PTPRG: variants seen among roughly 807,000 people sequenced by gnomAD.
The protein encoded by PTPRG is protein tyrosine phosphatase receptor type G.
A neutral mutation model predicts 165.3 loss-of-function variants in PTPRG; 102 were observed. That is an observed-to-expected ratio of 0.62 (90% confidence interval 0.53 to 0.73). PTPRG has a LOEUF of 0.73. Among genes scored for constraint, PTPRG ranks in the 30% least tolerant of loss-of-function variants. The probability of loss-of-function intolerance (pLI) is 0.00; values close to 1 mark genes in which losing one functional copy is unlikely to be tolerated. For synonymous variants in PTPRG, 675 were observed against 669.5 expected (o/e 1.01, Z -0.13); for missense variants, 1,866 against 1,861.4 (o/e 1.00, Z -0.05).
At chr3:61,776,475 T>A (rs1333750616) in intron 2 of PTPRG, among the ~76,000 whole-genome samples, 1 of 152,202 alleles carries the variant, frequency 6.6e-6, no homozygotes, top group Non-Finnish European at 1.5e-5. Context: ...AAGAACCCGT[T>A]TGTGTCTGTT....
At chr3:62,160,082 A>G (rs911455700) in intron 7 of PTPRG, among the ~76,000 whole-genome samples, 6 of 152,216 alleles carry the variant, frequency 3.9e-5, no homozygotes, top group African/African-American at 1.2e-4. Context: ...AAACATTCCT[A>G]GTCTCTCGTT....
chr3:61,718,356 G>A (rs1256674310), intron 1 of PTPRG, among the ~76,000 whole-genome samples: 1 of 152,110 alleles, frequency 6.6e-6, no homozygotes, highest in South Asian at 2.1e-4. Flanking sequence ...TTAACAAGCT[G>A]TGATGGTCCA....
chr3:61,936,367 A>T (rs1462090170), intron 2 of PTPRG, among the ~76,000 whole-genome samples: 1 of 152,194 alleles, frequency 6.6e-6, no homozygotes, highest in Non-Finnish European at 1.5e-5. Flanking sequence ...GTACCAGGTG[A>T]CTTGAATCCA....
chr3:61,638,109 A>C (rs1701964683), intron 1 of PTPRG, among the ~76,000 whole-genome samples: 1 of 152,200 alleles, frequency 6.6e-6, no homozygotes, highest in East Asian at 1.9e-4. Flanking sequence ...TGTTTTCCAA[A>C]TCGTGGTACA....
At chr3:61,811,044 T>A (rs1477030419) in intron 2 of PTPRG, among the ~76,000 whole-genome samples, 4 of 152,198 alleles carry the variant, frequency 2.6e-5, no homozygotes, top group Admixed American at 6.5e-5. Context: ...TGTTCGAATG[T>A]GACACTTTCT....
At chr3:61,711,996 C>T (rs566526519) in intron 1 of PTPRG, among the ~76,000 whole-genome samples, 52 of 148,860 alleles carry the variant, frequency 3.5e-4, no homozygotes, top group African/African-American at 4.9e-5. Flanking sequence ...TGGGTTCAAA[C>T]GATTCTCCTG....
intron 1 of PTPRG, among the ~76,000 whole-genome samples, chr3:61,694,866 C>G (rs186214081): frequency 8.5e-5 from 13 of 152,304 alleles, no homozygotes; most frequent in African/African-American, 2.9e-4. Context: ...CTCATTCTCT[C>G]TCTCTCACTC....
intron 2 of PTPRG, among the ~76,000 whole-genome samples, chr3:61,821,807 T>G (rs78974510): frequency 0.086 from 13,073 of 152,270 alleles, 1,275 homozygotes; most frequent in African/African-American, 0.24. Context: ...CTAAGCGCTT[T>G]ACTAGTATTA....
At chr3:62,102,867 T>TTTCTCA (rs68173028) in intron 5 of PTPRG, among the ~76,000 whole-genome samples, 6,793 of 152,222 alleles carry the variant, frequency 0.045, 494 homozygotes, top group African/African-American at 0.16. Flanking sequence ...CTACCAGTAA[T>TTTCTCA]TTCTCATGCC....
intron 2 of PTPRG, among the ~76,000 whole-genome samples, chr3:61,925,659 C>A (rs78557401): frequency 2.8e-3 from 432 of 152,134 alleles, no homozygotes; most frequent in African/African-American, 9.8e-3. Context: ...AGGAGAATTT[C>A]ATGAACCTGG....
rs920973628 is a variant in PTPRG, at chr3:62,217,294, C to T, written c.2156-1557C>T. The stretch of plus-strand genomic sequence containing the variant: ...GCACCTACTTGACTCTGTCTTCTTA[C>T]CTGTGAGCAGGGGATACATCAGGTC... On this transcript the variant is annotated intron_variant, in intron 12 of 29. Coordinates refer to ENST00000474889, the MANE Select transcript of PTPRG (RefSeq NM_002841.4). This position sits in a 1 kb window ranked among gnomAD's most constrained non-coding sequence, Gnocchi z 4.3. 2.0e-5 allele frequency among the ~76,000 whole-genome samples: 3 copies of T among 152,208 alleles called. No homozygotes were observed. Among genetic ancestry groups the T allele is most frequent in the African/African-American group, 4.8e-5 (2 of 41,454 alleles).
At chr3:61,746,234 T>TC (rs2033200494) in intron 1 of PTPRG, among the ~76,000 whole-genome samples, 2 of 83,202 alleles carry the variant, frequency 2.4e-5, no homozygotes, top group African/African-American at 8.5e-5. Flanking sequence ...TTTTTTTTTT[T>TC]TTGAGACAGA....
chr3:61,731,039 T>G (rs1363376337), intron 1 of PTPRG, among the ~76,000 whole-genome samples: 1 of 152,246 alleles, frequency 6.6e-6, no homozygotes, highest in Non-Finnish European at 1.5e-5. Context: ...CTACTCTTTC[T>G]GCATTATTCA....
At chr3:61,820,137 T>C (rs2035908701) in intron 2 of PTPRG, among the ~76,000 whole-genome samples, 1 of 152,090 alleles carries the variant, frequency 6.6e-6, no homozygotes, top group African/African-American at 2.4e-5. Context: ...AAAAAGGAGA[T>C]ATATTTTTAA....
At chr3:62,137,523 C>T (rs1019488028) in intron 6 of PTPRG, among the ~76,000 whole-genome samples, 3 of 152,094 alleles carry the variant, frequency 2.0e-5, no homozygotes, top group African/African-American at 2.4e-5. Flanking sequence ...CCCTTTCTGT[C>T]GACCAGTGCT....
At chr3:61,757,879 T>A (rs1219232190) in intron 2 of PTPRG, among the ~76,000 whole-genome samples, 2 of 152,158 alleles carry the variant, frequency 1.3e-5, no homozygotes, top group Non-Finnish European at 2.9e-5. Flanking sequence ...TGGAAGGACA[T>A]GATTAATTTA....
chr3:62,114,800 C>T (rs1702800597), intron 5 of PTPRG, among the ~76,000 whole-genome samples: 1 of 152,012 alleles, frequency 6.6e-6, no homozygotes, highest in South Asian at 2.1e-4. Flanking sequence ...TGCCACCTTG[C>T]CCTACTAATT....
rs192743559 is a variant in PTPRG, at chr3:62,203,456, C to G, written c.1661C>G (p.Ala554Gly). ...ASKQAARPVL[A>G]TTEALASPGP... ...AAGCAGGCGGCTAGGCCAGTCCTAGCCACCACAGAGGCCTTGGCTTCTCCA... is the reference window on the plus strand; with the variant it reads ...AAGCAGGCGGCTAGGCCAGTCCTAGGCACCACAGAGGCCTTGGCTTCTCCA... Residue 554 changes from alanine (A) to glycine (G), a missense_variant, in exon 12 of 30, where the codon GCC becomes GGC. Ala to Gly is a moderately conservative substitution (Grantham distance 60). This residue lies in a region of PTPRG where 1,452 missense variants were observed against 1,463.0 expected (regional missense o/e 0.99). Transcript: ENST00000474889. This position sits in a 1 kb window ranked among gnomAD's most constrained non-coding sequence, Gnocchi z 6.4. The G allele has an allele frequency of 3.1e-6, 5 of 1,588,634 alleles. No homozygotes were observed. Among genetic ancestry groups the G allele is most frequent in the Non-Finnish European group, 4.3e-6 (5 of 1,166,976 alleles).
chr3:61,647,486 C>T (rs2106970051), intron 1 of PTPRG, among the ~76,000 whole-genome samples: 1 of 152,180 alleles, frequency 6.6e-6, no homozygotes, highest in African/African-American at 2.4e-5. Flanking sequence ...CAGGTTCATC[C>T]AGCTCATTAA....
Sources: gnomAD v4.1 joint callset for allele counts (sites outside exome capture counted in the v4.1 genomes callset) on GRCh38, gnomAD v4.1.1 for gene constraint, gnomAD v4.1.1 regional missense constraint, Gnocchi (gnomAD v3.1) non-coding constraint, MANE v1.5 for transcripts, NCBI Gene and HGNC (gene_info 2026-07-23, HGNC 2026-07-21) for gene names.